The following UGT2B7 variants were observed in gnomAD, a reference collection of about 807,000 sequenced individuals.
The protein encoded by UGT2B7 is UDP-glucuronosyltransferase 2B7.
UGT2B7 carries 51 observed loss-of-function variants against 51.9 expected under a neutral mutation model. The observed-to-expected ratio is 0.98, with a 90% confidence interval of 0.78 to 1.24. The LOEUF (loss-of-function observed/expected upper bound fraction) is 1.24. Among genes scored for constraint, UGT2B7 ranks in the 50% most tolerant of loss-of-function variants. The pLI is 0.00. For synonymous variants in UGT2B7, 225 were observed against 211.6 expected (o/e 1.06, Z -0.55); for missense variants, 727 against 628.4 (o/e 1.16, Z -1.68).
chr4:69,062,358 C>G lies in UGT2B7; in HGVS notation c.-159+10756C>G, dbSNP rs1014604583. 2.0e-5 allele frequency among the ~76,000 whole-genome samples: 3 copies of G among 152,290 alleles called. No homozygotes were observed. The East Asian group carries it at 5.8e-4, about 29-fold the overall frequency. On this transcript the variant is annotated intron_variant, in intron 1 of 5. Coordinates refer to the UGT2B7 transcript ENST00000502942. The stretch of plus-strand genomic sequence containing the variant: ...CTAACTTTAAGAAGGCAAATGCAGG[C>G]TTTAGATATGGCCATGCAAAAAGTA...
intron 2 of UGT2B7, among the ~76,000 whole-genome samples, chr4:69,099,160 A>G (rs1719344250): frequency 6.6e-6 from 1 of 151,554 alleles, no homozygotes; most frequent in African/African-American, 2.4e-5. Context: ...AGAAAGCATC[A>G]GTGGAGATAA....
chr4:69,098,451 T>G, intron 1 of UGT2B7, 89 bp from the exon 2 acceptor site: 2 of 1,465,566 alleles, frequency 1.4e-6, no homozygotes, highest in East Asian at 2.3e-5. Context: ...TTGCCTACAT[T>G]TTTGCCTACA....
At chr4:69,108,426 A>T in intron 5 of UGT2B7, 104 bp downstream of exon 5, 1 of 1,331,274 alleles carries the variant, frequency 7.5e-7, no homozygotes, top group South Asian at 1.6e-5. Context: ...ATTTTGAAAG[A>T]ATTTAAATGA....
chr4:69,060,242 A>C (rs1718313908), intron 1 of UGT2B7, among the ~76,000 whole-genome samples: 1 of 152,218 alleles, frequency 6.6e-6, no homozygotes, highest in Non-Finnish European at 1.5e-5. Flanking sequence ...TCTGCTCTGA[A>C]AGTGACCAGT....
chr4:69,055,345 CA>C (rs544890954), intron 1 of UGT2B7, among the ~76,000 whole-genome samples: 355 of 135,908 alleles, frequency 2.6e-3, no homozygotes, highest in African/African-American at 3.5e-3. Flanking sequence ...TGTTTGACTC[CA>C]AAAAAAAAAA....
At chr4:69,068,526 T>C (rs1449259579) in intron 1 of UGT2B7, among the ~76,000 whole-genome samples, 2 of 152,178 alleles carry the variant, frequency 1.3e-5, no homozygotes, top group East Asian at 1.9e-4. Context: ...ATTACTATTA[T>C]ATTAGTAATA....
At chr4:69,111,132 A>G (rs1471249588) in intron 5 of UGT2B7, among the ~76,000 whole-genome samples, 1 of 152,142 alleles carries the variant, frequency 6.6e-6, no homozygotes, top group Non-Finnish European at 1.5e-5. Context: ...TGTGTAAGGT[A>G]CTAAGATGAG....
chr4:69,070,437 GAA>G (rs35601781), intron 1 of UGT2B7, among the ~76,000 whole-genome samples: 1 of 140,184 alleles, frequency 7.1e-6, no homozygotes. Context: ...GTCCCTGTCA[GAA>G]AAAAAAAAAA....
Position 69,097,168 on chromosome 4 carries a change from T to C in UGT2B7, c.648T>C (p.Tyr216=). Residue 216 remains tyrosine (Y), a synonymous_variant, in exon 1 of 6, where the codon TAT becomes TAC. Transcript: ENST00000305231. ...TFMERVKNMI[Y]VLYFDFWFEI... ...TGGAGAGGGTAAAAAATATGATCTA[T>C]GTGCTTTACTTTGACTTTTGGTTCG... The C allele has an allele frequency of 2.5e-6, 4 of 1,613,360 alleles. No homozygotes were observed. Among genetic ancestry groups the C allele is most frequent in the Non-Finnish European group, 3.4e-6 (4 of 1,179,546 alleles).
chr4:69,096,400 G>A, upstream of UGT2B7: 2 of 1,467,780 alleles, frequency 1.4e-6, no homozygotes, highest in Non-Finnish European at 1.8e-6. Flanking sequence ...TAATGATATT[G>A]TATGTACTTT....
At chr4:69,095,717 T>A (rs967933627), upstream of UGT2B7, among the ~76,000 whole-genome samples, 2 of 152,178 alleles carry the variant, frequency 1.3e-5, no homozygotes, top group East Asian at 3.8e-4. Context: ...TTTAACAAAG[T>A]TTAAAAAGAT....
chr4:69,096,594 A>G lies in UGT2B7; in HGVS notation c.74A>G (p.Lys25Arg), dbSNP rs200799009. ...SFCFSSGNCG[K>R]VLVWAAEYSH... Reference sequence around the variant, plus strand: ...TGCTTTAGCTCTGGGAATTGTGGAAAGGTGCTGGTGTGGGCAGCAGAATAC... The same window carrying G: ...TGCTTTAGCTCTGGGAATTGTGGAAGGGTGCTGGTGTGGGCAGCAGAATAC... The change falls in exon 1 of 6, where the codon AAG becomes AGG. Residue 25 changes from lysine (K) to arginine (R), a missense_variant. Transcript: ENST00000305231. The G allele has an allele frequency of 1.2e-6, 2 of 1,614,018 alleles. No individual in the cohort carries two copies. The highest frequency in any genetic ancestry group is 1.7e-6 in the Non-Finnish European group (2 of 1,179,902).
At position 69,096,686 on chromosome 4, in the gene UGT2B7, C is replaced by T. The variant is rs142158304; in HGVS notation, c.166C>T (p.Leu56=). The T allele has an allele frequency of 6.2e-7, 1 of 1,614,030 alleles. No homozygotes were observed. The change falls in exon 1 of 6, where the codon CTG becomes TTG. Residue 56 remains leucine (L), a synonymous_variant. Transcript: ENST00000305231. ...LIQRGHEVTV[L]ASSASILFDP... ...TCAGAGAGGTCATGAGGTGACTGTACTGGCATCTTCAGCTTCCATTCTTTT... is the reference window on the plus strand; with the variant it reads ...TCAGAGAGGTCATGAGGTGACTGTATTGGCATCTTCAGCTTCCATTCTTTT...
At chr4:69,066,753 T>A (rs1041761259) in intron 1 of UGT2B7, among the ~76,000 whole-genome samples, 2 of 152,092 alleles carry the variant, frequency 1.3e-5, no homozygotes, top group Non-Finnish European at 2.9e-5. Context: ...TTCACAAAAT[T>A]TTTTTTCAAT....
chr4:69,084,813 A>G (rs1483107937), intron 1 of UGT2B7, among the ~76,000 whole-genome samples: 2 of 152,074 alleles, frequency 1.3e-5, no homozygotes, highest in Non-Finnish European at 2.9e-5. Context: ...TTTCTTATAA[A>G]TGCATAGTAT....
intron 1 of UGT2B7, among the ~76,000 whole-genome samples, chr4:69,088,100 A>G (rs1413065202): frequency 6.6e-6 from 1 of 151,886 alleles, no homozygotes; most frequent in Non-Finnish European, 1.5e-5. Context: ...GATACTTTCC[A>G]TATGCCTACT....
rs1254985863 is a variant in UGT2B7 at position 69,098,550 on chromosome 4, TA to T, written c.733del (p.Thr245HisfsTer72). The T allele has an allele frequency of 6.2e-7, 1 of 1,603,444 alleles. No individual in the cohort carries two copies. Among genetic ancestry groups the T allele is most frequent in the African/African-American group, 1.4e-5 (1 of 73,790 alleles). ...TTCTATTCCTGTCAGGAAGACCCAC[TA>T]CATTATCTGAGACAATGGGGAAAGC... ...FYSEVLGRPT[T>X]LSETMGKADV... On this transcript the variant is annotated frameshift_variant, in exon 2 of 6. Coordinates refer to ENST00000305231, the MANE Select transcript of UGT2B7 (RefSeq NM_001074.4). LOFTEE classifies it high-confidence loss of function.
intron 1 of UGT2B7, among the ~76,000 whole-genome samples, chr4:69,072,187 T>G (rs116382689): frequency 0.023 from 3,504 of 152,180 alleles, 139 homozygotes; most frequent in African/African-American, 0.08. Flanking sequence ...TTCCAAAAAT[T>G]TCAATATTGT....
intron 1 of UGT2B7, among the ~76,000 whole-genome samples, chr4:69,074,783 A>C (rs1448703483): frequency 9.9e-5 from 15 of 152,040 alleles, no homozygotes; most frequent in Admixed American, 9.8e-4. Flanking sequence ...TCACTTTTTC[A>C]TAGTTTTCAC....
Sources: allele counts gnomAD v4.1 joint callset (sites outside exome capture counted in the v4.1 genomes callset), GRCh38; gene constraint gnomAD v4.1.1; transcripts MANE v1.5; gene names NCBI Gene and HGNC (gene_info 2026-07-23, HGNC 2026-07-21).